NRG1: variants seen among roughly 807,000 people sequenced by gnomAD.
The protein encoded by NRG1 is neuregulin 1, also known as pro-neuregulin-1, membrane-bound isoform.
Under a neutral mutation model 63.8 loss-of-function variants are expected in NRG1, and 18 were observed. The observed-to-expected ratio is 0.28, with a 90% CI of 0.19 to 0.42. The LOEUF (loss-of-function observed/expected upper bound fraction) is 0.42, where lower values mean the gene tolerates loss of function less well. NRG1 is among the 10% of genes least tolerant of loss of function. NRG1 has a pLI of 1.00. For missense variants in NRG1, 762 were observed against 814.7 expected (o/e 0.94, Z 0.79); for synonymous variants, 302 against 301.3 (o/e 1.00, Z -0.02).
At chr8:32,548,736 C>T (rs947807518) in exon 1 of NRG1, 1 of 1,584,424 alleles carries the variant, frequency 6.3e-7, no homozygotes. Context: ...GATGTCCGAG[C>T]GCAAAGAAGG....
chr8:31,640,024 G>C lies in NRG1; in HGVS notation c.37+593G>C, dbSNP rs1324844562. 1 of 1,137,986 alleles carries C rather than the reference G, an allele frequency of 8.8e-7. No homozygotes were observed. Among genetic ancestry groups the C allele is most frequent in the Non-Finnish European group, 1.1e-6 (1 of 929,858 alleles). 70.5% of individuals were successfully genotyped at this position (1,137,986 alleles called of 1,614,324 possible). On this transcript the variant is annotated intron_variant, in intron 1 of 10. Transcript: ENST00000519301. This position sits in a 1 kb window ranked among gnomAD's most constrained non-coding sequence, Gnocchi z 6.3. ...CGCCCCGCGCCGCTCCGGGCGTCCC[G>C]GCCCCCGGGCCCAGCGCCCCGGCTC...
intron 1 of NRG1, among the ~76,000 whole-genome samples, chr8:31,887,252 G>A (rs552262620): frequency 2.0e-5 from 3 of 152,040 alleles, no homozygotes; most frequent in South Asian, 4.1e-4. Flanking sequence ...GAATAGTAAC[G>A]ACAAACATAC....
intron 1 of NRG1, among the ~76,000 whole-genome samples, chr8:31,781,986 C>G (rs936714158): frequency 2.0e-5 from 3 of 152,124 alleles, no homozygotes; most frequent in Non-Finnish European, 4.4e-5. Flanking sequence ...CCCACCTGGA[C>G]TTGGTCTCTC....
At chr8:32,295,531 T>C (rs1164295927) in intron 1 of NRG1, among the ~76,000 whole-genome samples, 2 of 152,206 alleles carry the variant, frequency 1.3e-5, no homozygotes. Flanking sequence ...GATTACACTT[T>C]CTGGTAGAAT....
intron 1 of NRG1, among the ~76,000 whole-genome samples, chr8:32,096,906 G>C (rs1829971237): frequency 6.6e-6 from 1 of 152,192 alleles, no homozygotes; most frequent in Non-Finnish European, 1.5e-5. Flanking sequence ...TAGCACTATA[G>C]TCACTCGAAT....
At chr8:31,804,560 T>C (rs1042271800) in intron 1 of NRG1, among the ~76,000 whole-genome samples, 18 of 152,042 alleles carry the variant, frequency 1.2e-4, no homozygotes, top group African/African-American at 3.6e-4. Flanking sequence ...GTTATATATC[T>C]CTCTAGAAAA....
intron 1 of NRG1, among the ~76,000 whole-genome samples, chr8:32,471,368 G>T (rs901905537): frequency 2.0e-5 from 3 of 152,120 alleles, no homozygotes; most frequent in African/African-American, 2.4e-5. Flanking sequence ...AAGTGAGTCT[G>T]TTTTTTCCCC....
In NRG1 at chr8:32,055,672, CTT is replaced by C. The variant is rs59551293; in HGVS notation, c.37+416254_37+416255del. Among the ~76,000 whole-genome samples the C allele has an allele frequency of 2.4e-3, 325 of 137,148 alleles. 1 individual carries two copies. Among genetic ancestry groups the C allele is most frequent in the Non-Finnish European group, 2.6e-3 (160 of 61,224 alleles). The allele number at this position is 137,148 out of a possible 152,430, so 90.0% of individuals were successfully genotyped here. On this transcript the variant is annotated intron_variant, in intron 1 of 10. Transcript: ENST00000519301. ...GGAAGGTATACTACATATTTTGACA[CTT>C]TTTTTTTTTTTTGCTTTCAATAGCT...
At chr8:31,789,438 G>T (rs1032883940) in intron 1 of NRG1, among the ~76,000 whole-genome samples, 2 of 152,232 alleles carry the variant, frequency 1.3e-5, no homozygotes, top group African/African-American at 4.8e-5. Context: ...GTCATCCTGA[G>T]TAAGAACAAG....
intron 1 of NRG1, among the ~76,000 whole-genome samples, chr8:32,144,499 C>T (rs1410579877): frequency 6.6e-6 from 1 of 152,100 alleles, no homozygotes; most frequent in East Asian, 1.9e-4. Flanking sequence ...CCTAAATTCT[C>T]ATAAGTCCAT....
intron 1 of NRG1, among the ~76,000 whole-genome samples, chr8:32,033,187 C>T (rs1304235431): frequency 4.0e-5 from 6 of 151,306 alleles, no homozygotes; most frequent in East Asian, 2.0e-4. Context: ...CTCCACCTCC[C>T]GGGTTTACAC....
chr8:32,152,777 T>G (rs1414799128), intron 1 of NRG1, among the ~76,000 whole-genome samples: 1 of 152,174 alleles, frequency 6.6e-6, no homozygotes, highest in Non-Finnish European at 1.5e-5. Flanking sequence ...CTCATCCACT[T>G]TCAAGTCAAA....
At chr8:32,607,074 A>T (rs1410762294) in intron 3 of NRG1, among the ~76,000 whole-genome samples, 4 of 152,160 alleles carry the variant, frequency 2.6e-5, no homozygotes, top group Non-Finnish European at 5.9e-5. Flanking sequence ...GAGAGCAGGG[A>T]AAAGGAGTTT....
chr8:31,954,671 A>G (rs966988806), intron 1 of NRG1, among the ~76,000 whole-genome samples: 1 of 152,206 alleles, frequency 6.6e-6, no homozygotes, highest in African/African-American at 2.4e-5. Context: ...ACATAGATTT[A>G]TGCAGTTAGG....
intron 1 of NRG1, among the ~76,000 whole-genome samples, chr8:32,166,068 G>T (rs1839366832): frequency 6.6e-6 from 1 of 152,114 alleles, no homozygotes; most frequent in African/African-American, 2.4e-5. Flanking sequence ...TTACTTGGAA[G>T]TAAATGTCAT....
chr8:32,701,158 A>G (rs1437858968), intron 5 of NRG1, among the ~76,000 whole-genome samples: 1 of 152,216 alleles, frequency 6.6e-6, no homozygotes, highest in East Asian at 1.9e-4. Flanking sequence ...TCATGCTTCT[A>G]TCCTCATCTT....
chr8:32,174,059 A>G (rs1026596325), intron 1 of NRG1, among the ~76,000 whole-genome samples: 2 of 152,108 alleles, frequency 1.3e-5, no homozygotes, highest in Non-Finnish European at 2.9e-5. Context: ...ACCACACCAC[A>G]CCTATTCCAA....
intron 1 of NRG1, among the ~76,000 whole-genome samples, chr8:31,852,519 A>C (rs1827354118): frequency 6.6e-6 from 1 of 152,114 alleles, no homozygotes; most frequent in Non-Finnish European, 1.5e-5. Flanking sequence ...GCCCTATGTC[A>C]GATGAGTAGG....
intron 1 of NRG1, among the ~76,000 whole-genome samples, chr8:32,396,089 T>G (rs1812405682): frequency 6.6e-6 from 1 of 152,232 alleles, no homozygotes; most frequent in African/African-American, 2.4e-5. Context: ...TATATATACT[T>G]ATCCTTAAAC....
Sources: gnomAD v4.1 joint callset for allele counts (sites outside exome capture counted in the v4.1 genomes callset) on GRCh38, gnomAD v4.1.1 for gene constraint, Gnocchi (gnomAD v3.1) non-coding constraint, MANE v1.5 for transcripts, NCBI Gene and HGNC (gene_info 2026-07-23, HGNC 2026-07-21) for gene names.